SRMS: variants seen among roughly 807,000 people sequenced by gnomAD.
SRMS encodes src-related kinase lacking C-terminal regulatory tyrosine and N-terminal myristylation sites.
A neutral mutation model predicts 43.5 loss-of-function variants in SRMS; 42 were observed. The observed-to-expected ratio is 0.97, with a 90% CI of 0.75 to 1.25. The LOEUF (loss-of-function observed/expected upper bound fraction) is 1.25. Among genes scored for constraint, SRMS ranks in the 50% most tolerant of loss-of-function variants. The probability of loss-of-function intolerance (pLI) is 0.00; values close to 1 mark genes in which losing one functional copy is unlikely to be tolerated. For missense variants in SRMS, 703 were observed against 681.0 expected (o/e 1.03, Z -0.36); for synonymous variants, 316 against 308.2 (o/e 1.03, Z -0.27).
intron 6 of SRMS, 23 bp from the exon 7 acceptor site, chr20:63,541,370 G>A: frequency 6.5e-7 from 1 of 1,545,096 alleles, no homozygotes; most frequent in African/African-American, 1.4e-5. Flanking sequence ...GAAGGCCCCT[G>A]GTAGGGCAGG....
In SRMS at chr20:63,547,230, G is replaced by A; in HGVS notation, c.234C>T (p.Leu78=). The change falls in exon 1 of 8, where the codon CTC becomes CTT. Residue 78 remains leucine, a synonymous_variant. Transcript: ENST00000217188. ...AGCCGCCCCCCTCTTCGAGGGCACAGAGCCTGTCCCCGCGGCGGACACTCA... is the reference window on the plus strand; with the variant it reads ...AGCCGCCCCCCTCTTCGAGGGCACAAAGCCTGTCCCCGCGGCGGACACTCA... The part of the protein sequence containing the change: ...GELSVRRGDR[L]CALEEGGGYI... The A allele has an allele frequency of 1.2e-6, 2 of 1,612,000 alleles. No homozygotes were observed. The highest frequency in any genetic ancestry group is 1.7e-4 in the Middle Eastern group (1 of 6,016).
chr20:63,541,476 C>A lies in SRMS; in HGVS notation c.1091G>T (p.Cys364Phe). The change falls in exon 6 of 8, where the codon TGC becomes TTC. Residue 364 changes from cysteine to phenylalanine, a missense_variant. Physicochemically the swap from Cys to Phe is radical, Grantham distance 205 (BLOSUM62 -2). Coordinates refer to ENST00000217188, the MANE Select transcript of SRMS (RefSeq NM_080823.4). ...RNVLVDDGLA[C>F]KVADFGLARL... ...GGCCAGGCCGAAGTCAGCCACCTTGCAGGCCAGGCCGTCGTCCACGAGCAC... is the reference window on the plus strand; with the variant it reads ...GGCCAGGCCGAAGTCAGCCACCTTGAAGGCCAGGCCGTCGTCCACGAGCAC... 1.2e-6 allele frequency: 2 copies of A among 1,607,738 alleles called. No individual in the cohort carries two copies. The highest frequency in any genetic ancestry group is 2.2e-5 in the South Asian group (2 of 90,906).
At position 63,541,617 on chromosome 20, in the gene SRMS, G is replaced by A; in HGVS notation, c.950C>T (p.Pro317Leu). The A allele has an allele frequency of 1.9e-6, 3 of 1,542,206 alleles. No homozygotes were observed. Among genetic ancestry groups the A allele is most frequent in the Non-Finnish European group, 2.6e-6 (3 of 1,149,910 alleles). The change falls in exon 6 of 8, where the codon CCC becomes CTC. Residue 317 changes from proline (P) to leucine (L), a missense_variant. Pro to Leu is a moderately conservative substitution (Grantham distance 98, BLOSUM62 -3). Coordinates refer to ENST00000217188, the MANE Select transcript of SRMS (RefSeq NM_080823.4). Reference protein sequence around the residue: ...KGNLQAFLGTPEGRALRLPPL... With the variant: ...KGNLQAFLGTLEGRALRLPPL... ...CGGCAGACGCAGGGCCCGGCCCTCGGGGGCTGCAGGAGACAGCGCGGGGTC... is the reference window on the plus strand; with the variant it reads ...CGGCAGACGCAGGGCCCGGCCCTCGAGGGCTGCAGGAGACAGCGCGGGGTC...
rs756724507 is a variant in SRMS at position 63,542,495 on chromosome 20, C to T, written c.732G>A (p.Val244=). Residue 244 remains valine (V), a synonymous_variant, in exon 4 of 8, where the codon GTG becomes GTA. Coordinates refer to ENST00000217188, the MANE Select transcript of SRMS (RefSeq NM_080823.4). ...GGGAGCCCAGCCACAGGCCTTCCCA[C>T]ACCTCCCCAAAGTAGCCTTCACCCA... ...RKLGEGYFGE[V]WEGLWLGSLP... is the part of the protein sequence containing the mutation. 2 of 1,612,690 alleles carry T rather than the reference C, an allele frequency of 1.2e-6. No homozygotes were observed. The highest frequency in any genetic ancestry group is 1.1e-5 in the South Asian group (1 of 91,070).
rs56130722 is a variant in SRMS at position 63,542,209 on chromosome 20, G to T, written c.900C>A (p.Ile300=). The T allele has an allele frequency of 0.26, 413,687 of 1,611,936 alleles. 71,266 individuals are homozygous for T. The highest frequency in any genetic ancestry group is 0.97 in the East Asian group (43,352 of 44,838). ...TCCCCTTGCGCATGAGTTCCGTGACGATGTACACAGGCTCCCCGCCCGAGC... is the reference window on the plus strand; with the variant it reads ...TCCCCTTGCGCATGAGTTCCGTGACTATGTACACAGGCTCCCCGCCCGAGC... ...AVCSGGEPVY[I]VTELMRKGNL... Residue 300 remains isoleucine (I), a synonymous_variant, in exon 5 of 8, where the codon ATC becomes ATA. Coordinates refer to ENST00000217188, the MANE Select transcript of SRMS (RefSeq NM_080823.4).
chr20:63,543,651 G>C (rs1411524687), intron 2 of SRMS, 171 bp from the exon 3 acceptor site: 1 of 790,876 alleles, frequency 1.3e-6, no homozygotes, highest in East Asian at 2.7e-5. Flanking sequence ...CCACAGGCTG[G>C]GGCGGGGCAG....
chr20:63,540,735 G>C lies in SRMS; in HGVS notation c.*83C>G. The C allele has an allele frequency of 6.7e-7, 1 of 1,485,596 alleles. No individual in the cohort carries two copies. The highest frequency in any genetic ancestry group is 9.0e-7 in the Non-Finnish European group (1 of 1,116,948). The allele number at this position is 1,485,596 out of a possible 1,614,324, so 92.0% of individuals were successfully genotyped here. On this transcript the variant is annotated 3_prime_UTR_variant, in exon 8 of 8. Coordinates refer to ENST00000217188, the MANE Select transcript of SRMS (RefSeq NM_080823.4). ...CAGCCAGAGGCTCCTCGGTCCGGCA[G>C]ACCGGCATCCCTTCGAGTTGGCGCT...
chr20:63,544,746 T>C (rs1028744950), intron 1 of SRMS, among the ~76,000 whole-genome samples: 1 of 152,226 alleles, frequency 6.6e-6, no homozygotes, highest in Non-Finnish European at 1.5e-5. Context: ...CCGGAAGCAC[T>C]GCTGGGCTGT....
chr20:63,543,820 A>C, intron 2 of SRMS: 1 of 376,154 alleles, frequency 2.7e-6, no homozygotes, highest in Non-Finnish European at 4.8e-6. Context: ...GAATAAGCAA[A>C]TGAGTGAAAG....
intron 1 of SRMS, among the ~76,000 whole-genome samples, chr20:63,544,761 G>A (rs530961710): frequency 1.3e-5 from 2 of 152,370 alleles, no homozygotes; most frequent in African/African-American, 4.8e-5. Context: ...GGCTGTCGTG[G>A]CTGTACAGGG....
Position 63,541,580 on chromosome 20 carries a change from G to A in SRMS, c.987C>T (p.Gly329=), listed in dbSNP as rs1455976419. 2.5e-6 allele frequency: 4 copies of A among 1,573,644 alleles called. No homozygotes were observed. The highest frequency in any genetic ancestry group is 2.6e-6 in the Non-Finnish European group (3 of 1,163,544). ...TGCCCTCAGCCACCTGGCAGGCAAA[G>A]CCCAGGAGTGGCGGCAGACGCAGGG... ...GRALRLPPLL[G]FACQVAEGMS... The change falls in exon 6 of 8, where the codon GGC becomes GGT. Residue 329 remains glycine, a synonymous_variant. Coordinates refer to ENST00000217188, the MANE Select transcript of SRMS (RefSeq NM_080823.4).
rs142060528 is a variant in SRMS, at chr20:63,540,994, T to C, written c.1291A>G (p.Thr431Ala). Reference protein sequence around the residue: ...TYGQCPYEGMTNHETLQQIMR... With the variant: ...TYGQCPYEGMANHETLQQIMR... The stretch of plus-strand genomic sequence containing the variant: ...ATCTGCTGCAGCGTCTCGTGGTTGG[T>C]CATCCCTGGGAGGCGCGGGGCAAGA... The change falls in exon 8 of 8, where the codon ACC (threonine) becomes GCC (alanine). Residue 431 changes from threonine (T) to alanine (A), a missense_variant. Thr to Ala is a moderately conservative substitution (Grantham distance 58). Coordinates refer to ENST00000217188, the MANE Select transcript of SRMS (RefSeq NM_080823.4). The C allele has an allele frequency of 1.1e-5, 17 of 1,608,852 alleles. No homozygotes were observed. Among genetic ancestry groups the C allele is most frequent in the Non-Finnish European group, 1.4e-5 (16 of 1,179,434 alleles).
Position 63,541,239 on chromosome 20 carries a change from C to A in SRMS, c.1237G>T (p.Gly413Cys). The change falls in exon 7 of 8, where the codon GGC (glycine) becomes TGC (cysteine). Residue 413 changes from glycine to cysteine, a missense_variant. Transcript: ENST00000217188. ...FSQKSDVWSFGVLLHEVFTYG... is the reference protein window; with the variant it reads ...FSQKSDVWSFCVLLHEVFTYG... ...GTGAAAACCTCGTGCAGCAGGACGC[C>A]GAAGGACCAGACGTCTGACTTCTGG... The A allele has an allele frequency of 6.4e-7, 1 of 1,567,890 alleles. No homozygotes were observed. Among genetic ancestry groups the A allele is most frequent in the South Asian group, 1.2e-5 (1 of 84,852 alleles).
chr20:63,541,085 C>A, intron 7 of SRMS, 86 bp from the exon 8 acceptor site: 1 of 1,585,850 alleles, frequency 6.3e-7, no homozygotes, highest in Non-Finnish European at 8.6e-7. Flanking sequence ...TGTCATCTGC[C>A]TGCCCTTGGC....
At chr20:63,541,926 C>G (rs6011891) in intron 5 of SRMS, among the ~76,000 whole-genome samples, 5,000 of 152,198 alleles carry the variant, frequency 0.033, 125 homozygotes, top group African/African-American at 0.058. Flanking sequence ...GCGCCCCCCA[C>G]CGCCCCCGAA....
intron 3 of SRMS, 90 bp downstream of exon 3, chr20:63,543,224 C>G: frequency 1.3e-6 from 2 of 1,511,486 alleles, no homozygotes; most frequent in Non-Finnish European, 1.8e-6. Flanking sequence ...CTGACAGCCC[C>G]AGGGGTTTTG....
rs1016607517 is a variant in SRMS at position 63,538,995 on chromosome 20, C to T, written c.*1823G>A. On this transcript the variant is annotated 3_prime_UTR_variant, in exon 8 of 8. Coordinates refer to ENST00000217188, the MANE Select transcript of SRMS (RefSeq NM_080823.4). ...CACAGACACACCTGGTCCCCTTAAT[C>T]CCAGTGGCGGCTGCAGAGAGCACAG... Among the ~76,000 whole-genome samples, 4 of 152,150 alleles carry T rather than the reference C, an allele frequency of 2.6e-5. No homozygotes were observed. The highest frequency in any genetic ancestry group is 2.0e-4 in the Admixed American group (3 of 15,284).
Position 63,541,949 on chromosome 20 carries a change from C to T in SRMS, c.946+214G>A, listed in dbSNP as rs373256544. On this transcript the variant is annotated intron_variant, in intron 5 of 7. Coordinates refer to ENST00000217188, the MANE Select transcript of SRMS (RefSeq NM_080823.4). ...CACCGCCCCCGAACACCAGCTCCAG[C>T]CCCGGAGCCACAAGGCTCTGGCCTG... Among the ~76,000 whole-genome samples, 6 of 152,346 alleles carry T rather than the reference C, an allele frequency of 3.9e-5. No individual in the cohort carries two copies. In the East Asian group the frequency reaches 1.2e-3, roughly 29 times the overall value.
At chr20:63,545,020 C>T (rs542159758) in intron 1 of SRMS, among the ~76,000 whole-genome samples, 1 of 152,314 alleles carries the variant, frequency 6.6e-6, no homozygotes, top group South Asian at 2.1e-4. Flanking sequence ...GCACAGACAC[C>T]CCCTCGGAAA....
Sources: allele counts gnomAD v4.1 joint callset (sites outside exome capture counted in the v4.1 genomes callset), GRCh38; gene constraint gnomAD v4.1.1; transcripts MANE v1.5; gene names NCBI Gene and HGNC (gene_info 2026-07-23, HGNC 2026-07-21).